The following NRG1 variants were observed in gnomAD, a reference collection of about 807,000 sequenced individuals.
NRG1 encodes neuregulin 1.
NRG1 carries 18 observed loss-of-function variants against 63.8 expected under a neutral mutation model. The ratio of observed to expected loss-of-function variants is 0.28; its 90% CI spans 0.19 to 0.42. The LOEUF is 0.42. Among genes scored for constraint, NRG1 ranks in the 10% least tolerant of loss-of-function variants. The pLI is 1.00. For synonymous variants in NRG1, 302 were observed against 301.3 expected, an observed-to-expected ratio of 1.00 and a Z score of -0.02; for missense variants, 762 against 814.7, an observed-to-expected ratio of 0.94 and a Z score of 0.79.
At chr8:32,236,458 G>A (rs80223866) in intron 1 of NRG1, among the ~76,000 whole-genome samples, 1,767 of 152,174 alleles carry the variant, frequency 0.012, 24 homozygotes, top group African/African-American at 0.03. Context: ...CTTTATTGAT[G>A]AGTAGTAGTA....
intron 1 of NRG1, among the ~76,000 whole-genome samples, chr8:32,219,252 T>C (rs1845564591): frequency 6.6e-6 from 1 of 152,222 alleles, no homozygotes; most frequent in African/African-American, 2.4e-5. Flanking sequence ...ATATTACTTA[T>C]GTGAAAATAA....
At chr8:32,002,795 T>C (rs1813146201) in intron 1 of NRG1, among the ~76,000 whole-genome samples, 1 of 152,128 alleles carries the variant, frequency 6.6e-6, no homozygotes, top group South Asian at 2.1e-4. Context: ...AATATTTCTA[T>C]ATGTAAACTT....
chr8:32,054,096 T>C lies in NRG1; in HGVS notation c.37+414665T>C, dbSNP rs1014047824. ...CAATTGAAGATGGCATTTTATCCCT[T>C]AATCAGATACAAAGAACTGTTAGAA... On this transcript the variant is annotated intron_variant, in intron 1 of 10. Coordinates refer to the NRG1 transcript ENST00000519301. 4.6e-5 allele frequency among the ~76,000 whole-genome samples: 7 copies of C among 152,198 alleles called. No homozygotes were observed. In the East Asian group the frequency reaches 1.3e-3, roughly 29 times the overall value.
chr8:32,433,229 A>G (rs1029598735), intron 1 of NRG1, among the ~76,000 whole-genome samples: 25 of 152,316 alleles, frequency 1.6e-4, no homozygotes, highest in Middle Eastern at 6.8e-3. Flanking sequence ...GTGATGAGAC[A>G]TCAGGAAAAT....
At chr8:32,153,107 T>A (rs895878603) in intron 1 of NRG1, among the ~76,000 whole-genome samples, 1 of 152,088 alleles carries the variant, frequency 6.6e-6, no homozygotes, top group African/African-American at 2.4e-5. Context: ...TTCAGCAGAA[T>A]CTACAGTGGG....
intron 1 of NRG1, among the ~76,000 whole-genome samples, chr8:31,651,930 T>C (rs1216021906): frequency 6.6e-6 from 1 of 152,206 alleles, no homozygotes; most frequent in Non-Finnish European, 1.5e-5. Context: ...AACATCTAAC[T>C]ACTTACCTGG....
Position 32,441,058 on chromosome 8 carries a change from A to G in NRG1, c.38-154770A>G, listed in dbSNP as rs559077770. ...GCAAATTTGGCAAATTTTCGTCAGT[A>G]TACTTATTCTTTTGTTAGTTAATAG... is the stretch of plus-strand genomic sequence containing the variant. On this transcript the variant is annotated intron_variant, in intron 1 of 10. Coordinates refer to the NRG1 transcript ENST00000519301. 2.6e-5 allele frequency among the ~76,000 whole-genome samples: 4 copies of G among 152,292 alleles called. No individual in the cohort carries two copies. In the South Asian group the frequency reaches 8.3e-4, roughly 32 times the overall value.
intron 1 of NRG1, among the ~76,000 whole-genome samples, chr8:31,756,473 C>T (rs909764502): frequency 3.9e-5 from 6 of 152,008 alleles, no homozygotes; most frequent in Admixed American, 1.3e-4. Flanking sequence ...TGAGGAATGC[C>T]GAGTTACATT....
intron 1 of NRG1, among the ~76,000 whole-genome samples, chr8:32,034,042 A>G (rs1157532210): frequency 6.6e-6 from 1 of 152,288 alleles, no homozygotes; most frequent in South Asian, 2.1e-4. Flanking sequence ...TTCAAGGGGA[A>G]TGATTCCAGC....
intron 1 of NRG1, among the ~76,000 whole-genome samples, chr8:32,259,772 C>T (rs1490647649): frequency 6.6e-6 from 1 of 152,068 alleles, no homozygotes; most frequent in Non-Finnish European, 1.5e-5. Context: ...ATATAAAAAC[C>T]TGTGGGTTTT....
chr8:32,157,022 C>CA (rs1838162679), intron 1 of NRG1, among the ~76,000 whole-genome samples: 1 of 150,470 alleles, frequency 6.6e-6, no homozygotes, highest in African/African-American at 2.5e-5. Context: ...CAATATGCTC[C>CA]AAAAAGAAAT....
chr8:31,725,855 G>A (rs999019686), intron 1 of NRG1, among the ~76,000 whole-genome samples: 2 of 152,064 alleles, frequency 1.3e-5, no homozygotes, highest in Non-Finnish European at 2.9e-5. Flanking sequence ...AGATGGTTTT[G>A]GAAAATGTCT....
intron 1 of NRG1, among the ~76,000 whole-genome samples, chr8:32,050,565 C>T (rs559207573): frequency 1.3e-5 from 2 of 152,262 alleles, no homozygotes; most frequent in South Asian, 2.1e-4. Context: ...CCTCCACAGA[C>T]AGCTTCTTGT....
At chr8:32,614,710 C>A in intron 4 of NRG1, 146 bp downstream of exon 4, 1 of 749,434 alleles carries the variant, frequency 1.3e-6, no homozygotes. Flanking sequence ...CAACCTTGTT[C>A]TGTCTTTTTG....
At chr8:32,431,187 G>A (rs961534529) in intron 1 of NRG1, among the ~76,000 whole-genome samples, 21 of 152,132 alleles carry the variant, frequency 1.4e-4, no homozygotes, top group Admixed American at 4.6e-4. Flanking sequence ...ATTCTAGAGC[G>A]TATGTTCTAT....
At position 31,893,440 on chromosome 8, in the gene NRG1, C is replaced by T. The variant is rs1323143724; in HGVS notation, c.37+254009C>T. On this transcript the variant is annotated intron_variant, in intron 1 of 10. Coordinates refer to the NRG1 transcript ENST00000519301. Reference sequence around the variant, plus strand: ...ATAAAGAGAAAAATGTAAAGAGAAACATTAGTATATTTGCTATATAAATGG... The same window carrying T: ...ATAAAGAGAAAAATGTAAAGAGAAATATTAGTATATTTGCTATATAAATGG... Among the ~76,000 whole-genome samples the T allele has an allele frequency of 6.6e-5, 10 of 151,328 alleles. No homozygotes were observed. The East Asian group carries it at 1.9e-3, about 29-fold the overall frequency.
chr8:32,600,636 A>C (rs1191887313), intron 2 of NRG1, among the ~76,000 whole-genome samples: 1 of 152,162 alleles, frequency 6.6e-6, no homozygotes, highest in African/African-American at 2.4e-5. Context: ...TTATTTTTAC[A>C]CTGTACTGTT....
intron 1 of NRG1, among the ~76,000 whole-genome samples, chr8:32,576,911 C>A (rs1296333509): frequency 6.6e-6 from 1 of 151,970 alleles, no homozygotes; most frequent in Non-Finnish European, 1.5e-5. Flanking sequence ...TACGAATGAT[C>A]CCATCACCCA....
rs560343857 is a variant in NRG1 at position 32,420,979 on chromosome 8, T to C, written c.38-174849T>C. 2.6e-5 allele frequency among the ~76,000 whole-genome samples: 4 copies of C among 152,288 alleles called. No homozygotes were observed. The East Asian group carries it at 7.7e-4, about 29-fold the overall frequency. On this transcript the variant is annotated intron_variant, in intron 1 of 10. Transcript: ENST00000519301. ...TTGGCACTCACTCTGTCCTGCCCCT[T>C]GTGAAGAGGGTGCCTGCTTCTCCTT...
Sources: allele counts gnomAD v4.1 joint callset (sites outside exome capture counted in the v4.1 genomes callset), GRCh38; gene constraint gnomAD v4.1.1; transcripts MANE v1.5; gene names NCBI Gene and HGNC (gene_info 2026-07-23, HGNC 2026-07-21).